The following FBLN5 variants were observed in gnomAD, a reference collection of about 807,000 sequenced individuals.
FBLN5 encodes fibulin-5.
A neutral mutation model predicts 61.6 loss-of-function variants in FBLN5; 24 were observed. The ratio of observed to expected loss-of-function variants is 0.39; its 90% CI spans 0.28 to 0.55. FBLN5 has a LOEUF of 0.55. Among genes scored for constraint, FBLN5 ranks in the 20% least tolerant of loss-of-function variants. FBLN5 has a pLI of 0.65. For missense variants in FBLN5, 470 were observed against 594.1 expected (o/e 0.79, Z 2.17); for synonymous variants, 213 against 219.8 (o/e 0.97, Z 0.27).
At chr14:91,907,090 C>T (rs1349141919) in intron 4 of FBLN5, among the ~76,000 whole-genome samples, 1 of 152,208 alleles carries the variant, frequency 6.6e-6, no homozygotes, top group Non-Finnish European at 1.5e-5. Flanking sequence ...AATATCTATT[C>T]TCCCAACCAA....
At chr14:91,879,675 C>A (rs1477999083) in intron 9 of FBLN5, among the ~76,000 whole-genome samples, 1 of 152,222 alleles carries the variant, frequency 6.6e-6, no homozygotes, top group Non-Finnish European at 1.5e-5. Flanking sequence ...GGTCAAAGAG[C>A]CCTGTTCTAA....
intron 4 of FBLN5, among the ~76,000 whole-genome samples, chr14:91,921,901 G>A (rs1157026091): frequency 6.6e-6 from 1 of 152,190 alleles, no homozygotes; most frequent in Admixed American, 6.5e-5. Flanking sequence ...GCACGTCGTG[G>A]GATGGCCTAA....
intron 3 of FBLN5, chr14:91,940,080 G>T: frequency 2.5e-6 from 1 of 402,546 alleles, no homozygotes; most frequent in Non-Finnish European, 4.8e-6. Flanking sequence ...GCCCTCCACT[G>T]ACAGTCAGCA....
chr14:91,932,246 T>C (rs1345670595), intron 4 of FBLN5, among the ~76,000 whole-genome samples: 1 of 152,236 alleles, frequency 6.6e-6, no homozygotes, highest in Admixed American at 6.5e-5. Flanking sequence ...TCGTGGACTA[T>C]AATTCCTAGG....
chr14:91,900,979 C>G lies in FBLN5; in HGVS notation c.380-5907G>C, dbSNP rs533063156. On this transcript the variant is annotated intron_variant, in intron 4 of 10. Coordinates refer to ENST00000342058, the MANE Select transcript of FBLN5 (RefSeq NM_006329.4). ...CAACTACAGCCAAAGCCAGGGACTT[C>G]TCCCCCTTGAGCCCCAGGCATATGG... Among the ~76,000 whole-genome samples, 4 of 152,318 alleles carry G rather than the reference C, an allele frequency of 2.6e-5. No individual in the cohort carries two copies. The South Asian group carries it at 8.3e-4, about 32-fold the overall frequency.
intron 4 of FBLN5, among the ~76,000 whole-genome samples, chr14:91,909,123 TA>T (rs767773369): frequency 6.6e-6 from 1 of 152,002 alleles, no homozygotes; most frequent in Non-Finnish European, 1.5e-5. Context: ...TTCACCGTGT[TA>T]GCCAGGATGG....
At chr14:91,878,896 G>A (rs1304617137) in intron 9 of FBLN5, among the ~76,000 whole-genome samples, 2 of 152,178 alleles carry the variant, frequency 1.3e-5, no homozygotes, top group Non-Finnish European at 2.9e-5. Context: ...TTGAGTCCAG[G>A]AGTTCAAGAC....
chr14:91,925,772 T>C (rs576930272), intron 4 of FBLN5, among the ~76,000 whole-genome samples: 1 of 152,338 alleles, frequency 6.6e-6, no homozygotes, highest in South Asian at 2.1e-4. Context: ...TTCTGTACAT[T>C]AGATTGCATC....
chr14:91,922,843 G>C (rs1380679174), intron 4 of FBLN5, among the ~76,000 whole-genome samples: 3 of 152,144 alleles, frequency 2.0e-5, no homozygotes, highest in African/African-American at 7.2e-5. Context: ...ATCACAGTGA[G>C]AGCCAATTTC....
intron 4 of FBLN5, among the ~76,000 whole-genome samples, chr14:91,928,191 C>T (rs2055861636): frequency 2.0e-5 from 3 of 152,250 alleles, no homozygotes; most frequent in Admixed American, 2.0e-4. Flanking sequence ...AGAGAAGAGC[C>T]ACGTCACCTA....
chr14:91,894,823 C>CCCCCCCCCCCCCCCCCCCAAAAAAAA, intron 5 of FBLN5, 127 bp downstream of exon 5: 1 of 415,098 alleles, frequency 2.4e-6, no homozygotes, highest in Non-Finnish European at 4.9e-6. Context: ...AGCCTTCCAC[C>CCCCCCCCCCCCCCCCCCCAAAAAAAA]CCTCCCGCCC....
chr14:91,902,881 T>C (rs949280755), intron 4 of FBLN5, among the ~76,000 whole-genome samples: 1 of 152,096 alleles, frequency 6.6e-6, no homozygotes, highest in Non-Finnish European at 1.5e-5. Context: ...CACTTATAAG[T>C]GGGAACTGAC....
At chr14:91,891,459 G>A in intron 5 of FBLN5, 122 bp from the exon 6 acceptor site, 1 of 765,802 alleles carries the variant, frequency 1.3e-6, no homozygotes, top group Non-Finnish European at 2.4e-6. Flanking sequence ...ATGGGAACAG[G>A]AGCCAAGACA....
intron 4 of FBLN5, among the ~76,000 whole-genome samples, chr14:91,933,288 T>A (rs1167023811): frequency 1.3e-5 from 2 of 152,176 alleles, no homozygotes; most frequent in Non-Finnish European, 2.9e-5. Context: ...ATTTTTTATT[T>A]TTTTGAGGCA....
At chr14:91,932,005 G>C (rs1345932717) in intron 4 of FBLN5, among the ~76,000 whole-genome samples, 1 of 152,202 alleles carries the variant, frequency 6.6e-6, no homozygotes, top group Non-Finnish European at 1.5e-5. Context: ...GTATGTGTTT[G>C]ATTTGGCCTC....
intron 4 of FBLN5, among the ~76,000 whole-genome samples, chr14:91,925,080 C>A (rs187683355): frequency 2.6e-5 from 4 of 152,254 alleles, no homozygotes; most frequent in African/African-American, 9.6e-5. Context: ...TCTGACCTCA[C>A]TGATTCCTGG....
rs572665463 is a variant in FBLN5, at chr14:91,943,521, C to A, written c.18-560G>T. 6.6e-6 allele frequency among the ~76,000 whole-genome samples: 1 copy of A among 151,828 alleles called. No individual in the cohort carries two copies. Among genetic ancestry groups the A allele is most frequent in the African/African-American group, 2.4e-5 (1 of 41,290 alleles). On this transcript the variant is annotated intron_variant, in intron 1 of 10. Coordinates refer to ENST00000342058, the MANE Select transcript of FBLN5 (RefSeq NM_006329.4). The surrounding 1 kb of genome is among the most constrained non-coding windows in gnomAD (Gnocchi z 4.0). ...GAGACCTTGTCCTCCCCCCACCCCCCAAAAAAGCTAAAACCTCCCACTATG... is the reference window on the plus strand; with the variant it reads ...GAGACCTTGTCCTCCCCCCACCCCCAAAAAAAGCTAAAACCTCCCACTATG...
intron 10 of FBLN5, among the ~76,000 whole-genome samples, chr14:91,871,754 G>A (rs1342267953): frequency 1.3e-5 from 2 of 152,044 alleles, no homozygotes; most frequent in Non-Finnish European, 2.9e-5. Context: ...CTACTTGGGA[G>A]GCTGAGGCAC....
At position 91,941,398 on chromosome 14, in the gene FBLN5, TA is replaced by T. The variant is rs897803875; in HGVS notation, c.73-783del. On this transcript the variant is annotated intron_variant, in intron 2 of 10. Coordinates refer to ENST00000342058, the MANE Select transcript of FBLN5 (RefSeq NM_006329.4). The stretch of plus-strand genomic sequence containing the variant: ...AACTTGAGCTACAAATGTATGTACT[TA>T]AAAAAAAAATGTGTTGGGTGGACTC... Among the ~76,000 whole-genome samples the T allele has an allele frequency of 4.3e-4, 65 of 150,242 alleles. 1 individual carries two copies. Among genetic ancestry groups the T allele is most frequent in the Middle Eastern group, 3.4e-3 (1 of 292 alleles).
Sources: gnomAD v4.1 joint callset for allele counts (sites outside exome capture counted in the v4.1 genomes callset) on GRCh38, gnomAD v4.1.1 for gene constraint, Gnocchi (gnomAD v3.1) non-coding constraint, MANE v1.5 for transcripts, NCBI Gene and HGNC (gene_info 2026-07-23, HGNC 2026-07-21) for gene names.